The following CSMD1 variants were observed in gnomAD, a reference collection of about 807,000 sequenced individuals.
The protein encoded by CSMD1 is CUB and Sushi multiple domains 1, also known as CUB and sushi domain-containing protein 1.
Under a neutral mutation model 417.5 loss-of-function variants are expected in CSMD1, and 213 were observed. That is an observed-to-expected ratio of 0.51 (90% confidence interval 0.46 to 0.57). The LOEUF is 0.57. Among genes scored for constraint, CSMD1 ranks in the 20% least tolerant of loss-of-function variants. The pLI is 0.00. For synonymous variants in CSMD1, 2,862 were observed against 1,736.8 expected (o/e 1.65, Z -16.11); for missense variants, 6,923 against 4,529.7 (o/e 1.53, Z -15.17).
At chr8:3,093,682 T>A (rs1383287035) in intron 47 of CSMD1, among the ~76,000 whole-genome samples, 2 of 150,988 alleles carry the variant, frequency 1.3e-5, no homozygotes, top group Admixed American at 6.6e-5. Context: ...AAAAAAAAAA[T>A]TCTGTTGAAG....
intron 52 of CSMD1, among the ~76,000 whole-genome samples, chr8:3,006,392 T>C (rs1255275019): frequency 3.3e-5 from 5 of 149,536 alleles, no homozygotes; most frequent in Non-Finnish European, 3.0e-5. Flanking sequence ...AAGCTACCAA[T>C]GACTTTCTTC....
intron 25 of CSMD1, among the ~76,000 whole-genome samples, chr8:3,301,366 C>G (rs777576585): frequency 2.0e-5 from 3 of 151,996 alleles, no homozygotes; most frequent in Non-Finnish European, 4.4e-5. Context: ...AGAAATGAAG[C>G]TCACAGAAGT....
chr8:3,827,797 G>C (rs943783974), intron 5 of CSMD1, among the ~76,000 whole-genome samples: 3 of 152,138 alleles, frequency 2.0e-5, no homozygotes, highest in African/African-American at 4.8e-5. Flanking sequence ...ATTATTGCCA[G>C]TTACACAAAT....
intron 17 of CSMD1, among the ~76,000 whole-genome samples, chr8:3,388,733 T>C (rs563062800): frequency 2.0e-5 from 3 of 152,204 alleles, no homozygotes; most frequent in Non-Finnish European, 4.4e-5. Flanking sequence ...AACAACAGAA[T>C]GTAACTGTCC....
rs180770890 is a variant in CSMD1, at chr8:4,520,074, T to C, written c.303-100009A>G. ...AACACTCAACTTTCTCTTTAGATAA[T>C]TTTACAGTATTGCATTTAGTCATGA... is the stretch of plus-strand genomic sequence containing the variant. On this transcript the variant is annotated intron_variant, in intron 2 of 69. Transcript: ENST00000635120. 4.6e-4 allele frequency among the ~76,000 whole-genome samples: 70 copies of C among 152,266 alleles called. 1 individual carries two copies. The highest frequency in any genetic ancestry group is 1.6e-3 in the African/African-American group (65 of 41,584).
intron 1 of CSMD1, among the ~76,000 whole-genome samples, chr8:4,986,859 G>C (rs1811205324): frequency 6.6e-6 from 1 of 152,118 alleles, no homozygotes; most frequent in Non-Finnish European, 1.5e-5. Flanking sequence ...GAGCTAAATG[G>C]TCTGTGAAAG....
At chr8:3,474,302 G>C (rs566870046) in intron 11 of CSMD1, among the ~76,000 whole-genome samples, 1 of 151,862 alleles carries the variant, frequency 6.6e-6, no homozygotes, top group East Asian at 1.9e-4. Flanking sequence ...ACAAATGCAG[G>C]ACAATAAACA....
At chr8:4,017,411 T>C (rs1027812733) in intron 4 of CSMD1, among the ~76,000 whole-genome samples, 10 of 152,148 alleles carry the variant, frequency 6.6e-5, no homozygotes, top group African/African-American at 1.7e-4. Context: ...GTTCAATCGA[T>C]TCTCCTGCCT....
At chr8:4,043,801 C>A (rs879749659) in intron 3 of CSMD1, among the ~76,000 whole-genome samples, 2 of 152,078 alleles carry the variant, frequency 1.3e-5, no homozygotes, top group East Asian at 1.9e-4. Flanking sequence ...GTATTTCAAA[C>A]CTTACACGTC....
At position 3,428,359 on chromosome 8, in the gene CSMD1, G is replaced by A. The variant is rs933952233; in HGVS notation, c.1562-18754C>T. ...GAGAAGCATAACTCTTGCAGCTTAT[G>A]CCAATATTCAAATTACAGTACAAAT... On this transcript the variant is annotated intron_variant, in intron 12 of 69. Transcript: ENST00000635120. Among the ~76,000 whole-genome samples the A allele has an allele frequency of 4.6e-5, 7 of 152,246 alleles. No individual in the cohort carries two copies. The East Asian group carries it at 9.6e-4, about 21-fold the overall frequency.
chr8:4,590,246 A>G (rs2617084), intron 2 of CSMD1, among the ~76,000 whole-genome samples: 1 of 151,714 alleles, frequency 6.6e-6, no homozygotes, highest in Non-Finnish European at 1.5e-5. Flanking sequence ...CTAGCGTCAT[A>G]CTTGAAAGTG....
chr8:3,814,735 G>A (rs938944814), intron 5 of CSMD1, among the ~76,000 whole-genome samples: 3 of 152,066 alleles, frequency 2.0e-5, no homozygotes, highest in Non-Finnish European at 2.9e-5. Context: ...CTTAACTTAG[G>A]TATGAATCCA....
chr8:3,801,467 G>A lies in CSMD1; in HGVS notation c.819-47425C>T, dbSNP rs143949340. ...CTAGAAGGGCTATCACTGGACAGAT[G>A]ATAATAGGCACTGGCAAGGATGTAG... On this transcript the variant is annotated intron_variant, in intron 5 of 69. Coordinates refer to ENST00000635120, the MANE Select transcript of CSMD1 (RefSeq NM_033225.6). 6.5e-3 allele frequency among the ~76,000 whole-genome samples: 987 copies of A among 152,230 alleles called. 13 individuals carry two copies. Among genetic ancestry groups the A allele is most frequent in the African/African-American group, 0.023 (939 of 41,546 alleles).
intron 7 of CSMD1, among the ~76,000 whole-genome samples, chr8:3,624,850 C>T (rs1283930093): frequency 1.3e-5 from 2 of 152,138 alleles, no homozygotes; most frequent in Non-Finnish European, 2.9e-5. Context: ...AAAGTAATAG[C>T]TCTATTTTAA....
intron 3 of CSMD1, among the ~76,000 whole-genome samples, chr8:4,073,074 C>G (rs561529627): frequency 8.6e-4 from 131 of 152,276 alleles, no homozygotes; most frequent in Non-Finnish European, 1.4e-3. Flanking sequence ...TTCTGGTTTT[C>G]TCTTTATGAT....
chr8:4,612,104 T>A (rs1313760928), intron 2 of CSMD1, among the ~76,000 whole-genome samples: 1 of 152,084 alleles, frequency 6.6e-6, no homozygotes, highest in East Asian at 1.9e-4. Context: ...AGGCACAGAC[T>A]CTTTTCATGA....
At chr8:3,504,026 A>G (rs1191523438) in intron 10 of CSMD1, among the ~76,000 whole-genome samples, 1 of 152,162 alleles carries the variant, frequency 6.6e-6, no homozygotes, top group Non-Finnish European at 1.5e-5. Context: ...AGTGTTCGAC[A>G]GCACTGCAGG....
At chr8:4,034,663 A>G (rs1261938793) in intron 3 of CSMD1, among the ~76,000 whole-genome samples, 1 of 152,194 alleles carries the variant, frequency 6.6e-6, no homozygotes, top group Non-Finnish European at 1.5e-5. Context: ...AAATGTGAAG[A>G]GTGAGAAAGG....
chr8:4,934,113 G>A (rs893360964), intron 1 of CSMD1, among the ~76,000 whole-genome samples: 2 of 152,114 alleles, frequency 1.3e-5, no homozygotes, highest in Non-Finnish European at 2.9e-5. Flanking sequence ...GAGCACCAGG[G>A]AGAGACCTTT....
Sources: allele counts gnomAD v4.1 joint callset (sites outside exome capture counted in the v4.1 genomes callset), GRCh38; gene constraint gnomAD v4.1.1; transcripts MANE v1.5; gene names NCBI Gene and HGNC (gene_info 2026-07-23, HGNC 2026-07-21).